TNRC6A: variants seen among roughly 807,000 people sequenced by gnomAD.
The protein encoded by TNRC6A is trinucleotide repeat-containing gene 6A protein.
Under a neutral mutation model 221.2 loss-of-function variants are expected in TNRC6A, and 44 were observed. That is an observed-to-expected ratio of 0.20 (90% CI 0.16 to 0.26). The LOEUF is 0.26. Ranked by LOEUF, TNRC6A falls within the 10% of genes least tolerant of loss-of-function variation. The pLI is 1.00. For missense variants in TNRC6A, 2,199 were observed against 2,404.4 expected (o/e 0.91, Z 1.79); for synonymous variants, 847 against 838.5 (o/e 1.01, Z -0.18).
intron 2 of TNRC6A, among the ~76,000 whole-genome samples, chr16:24,733,869 AGTG>A (rs946314921): frequency 6.6e-6 from 1 of 152,198 alleles, no homozygotes; most frequent in Non-Finnish European, 1.5e-5. Context: ...CCTGAATTGA[AGTG>A]GTGGCAAAAA....
intron 2 of TNRC6A, among the ~76,000 whole-genome samples, chr16:24,734,435 A>C (rs2056716477): frequency 1.3e-5 from 2 of 152,180 alleles, no homozygotes; most frequent in Non-Finnish European, 2.9e-5. Flanking sequence ...GACCAGTAGA[A>C]CTCAGCTGGT....
chr16:24,698,083 T>C (rs910317158), intron 2 of TNRC6A, among the ~76,000 whole-genome samples: 6 of 149,966 alleles, frequency 4.0e-5, no homozygotes, highest in Non-Finnish European at 7.4e-5. Flanking sequence ...ATCCCAGCAC[T>C]TTGAGGGGCC....
chr16:24,761,375 G>T, intron 4 of TNRC6A, among the ~76,000 whole-genome samples: 1 of 152,164 alleles, frequency 6.6e-6, no homozygotes, highest in South Asian at 2.1e-4. Flanking sequence ...GCAGGAGAGT[G>T]AAGTGCTAAA....
At chr16:24,688,115 A>G (rs1443378177) in intron 2 of TNRC6A, among the ~76,000 whole-genome samples, 1 of 136,242 alleles carries the variant, frequency 7.3e-6, no homozygotes, top group African/African-American at 2.8e-5. Context: ...TTTTTTTTGT[A>G]TTTTTAGTAG....
intron 4 of TNRC6A, among the ~76,000 whole-genome samples, chr16:24,765,697 A>G (rs1405960708): frequency 1.3e-5 from 2 of 152,212 alleles, no homozygotes; most frequent in East Asian, 1.9e-4. Context: ...TATGTAACAA[A>G]TAAGATTTGT....
At chr16:24,782,547 A>G (rs939847757) in intron 5 of TNRC6A, among the ~76,000 whole-genome samples, 7 of 152,202 alleles carry the variant, frequency 4.6e-5, no homozygotes, top group African/African-American at 1.7e-4. Flanking sequence ...ACCAAAGGCA[A>G]GAATAACCAG....
rs116967362 is a variant in TNRC6A at position 24,743,059 on chromosome 16, G to A, written c.54-7667G>A. ...TAAAAGAAGAGTAGGATTTGGGTGGGTAGATGTAGCAAACTGAGTTTTGGG... is the reference window on the plus strand; with the variant it reads ...TAAAAGAAGAGTAGGATTTGGGTGGATAGATGTAGCAAACTGAGTTTTGGG... On this transcript the variant is annotated intron_variant, in intron 2 of 24. Transcript: ENST00000395799. Among the ~76,000 whole-genome samples, 576 of 152,300 alleles carry A rather than the reference G, an allele frequency of 3.8e-3. 2 individuals are homozygous for A. Among genetic ancestry groups the A allele is most frequent in the Non-Finnish European group, 6.5e-3 (445 of 68,028 alleles).
At chr16:24,715,985 C>T (rs998489765) in intron 2 of TNRC6A, among the ~76,000 whole-genome samples, 1 of 152,048 alleles carries the variant, frequency 6.6e-6, no homozygotes, top group Non-Finnish European at 1.5e-5. Flanking sequence ...CCAAGCATGA[C>T]CATCCATAGA....
chr16:24,660,741 T>TTTC (rs1555486357), intron 2 of TNRC6A, among the ~76,000 whole-genome samples: 7 of 131,364 alleles, frequency 5.3e-5, no homozygotes, highest in African/African-American at 2.1e-4. Context: ...TTTTTTTTCT[T>TTTC]TTTTTTTTTT....
rs576776936 is a variant in TNRC6A, at chr16:24,815,716, G to A, written c.4831+411G>A. ...TAAAACTACAAAAAATTAGCCAGGC[G>A]TGGTGGCGGGCGCCTGTAGTCCCAG... On this transcript the variant is annotated intron_variant, in intron 19 of 24. Transcript: ENST00000395799. 3.5e-4 allele frequency: 68 copies of A among 193,830 alleles called. No individual in the cohort carries two copies. The South Asian group carries it at 3.5e-3, about 10-fold the overall frequency. 12.0% of individuals were successfully genotyped at this position (193,830 alleles called of 1,614,324 possible).
chr16:24,733,960 C>G (rs1175050539), intron 2 of TNRC6A, among the ~76,000 whole-genome samples: 1 of 152,026 alleles, frequency 6.6e-6, no homozygotes, highest in Non-Finnish European at 1.5e-5. Context: ...AGGATTGAGC[C>G]CAGGAGTTTG....
Position 24,790,487 on chromosome 16 carries a change from T to A in TNRC6A, c.1845T>A (p.Val615=). 2.5e-6 allele frequency: 4 copies of A among 1,614,198 alleles called. No individual in the cohort carries two copies. In the South Asian group the frequency reaches 3.3e-5, roughly 13 times the overall value. ...AQNTGTNLPS[V]EWNKLPSNQH... ...ACACTGGCACTAATTTACCCAGCGT[T>A]GAGTGGAACAAACTGCCTAGCAATC... Residue 615 remains valine (V), a synonymous_variant, in exon 6 of 25, where the codon GTT becomes GTA. Transcript: ENST00000395799.
In TNRC6A at chr16:24,791,571, G is replaced by T. The variant is rs1178565328; in HGVS notation, c.2929G>T (p.Ala977Ser). The change falls in exon 6 of 25, where the codon GCC (alanine) becomes TCC (serine). Residue 977 changes from alanine (A) to serine (S), a missense_variant. This residue lies in a region of TNRC6A where 1,405 missense variants were observed against 1,400.2 expected (regional missense o/e 1.00). Transcript: ENST00000395799. ...AGGCTGGCTGGGGGGACCTATACCA[G>T]CCCCAGCAAAAGAAGAAGAACCCAC... is the stretch of plus-strand genomic sequence containing the variant. Reference protein sequence around the residue: ...GTGWLGGPIPAPAKEEEPTGW... With the variant: ...GTGWLGGPIPSPAKEEEPTGW... The T allele has an allele frequency of 8.3e-6, 13 of 1,573,286 alleles. No homozygotes were observed. The highest frequency in any genetic ancestry group is 9.5e-6 in the Non-Finnish European group (11 of 1,163,090).
At chr16:24,792,082 C>A (rs1433560606) in intron 6 of TNRC6A, among the ~76,000 whole-genome samples, 1 of 152,186 alleles carries the variant, frequency 6.6e-6, no homozygotes. Context: ...GAATGCTGTA[C>A]ACTTCTCCAA....
intron 2 of TNRC6A, among the ~76,000 whole-genome samples, chr16:24,740,932 G>T (rs2056877785): frequency 6.6e-6 from 1 of 152,168 alleles, no homozygotes; most frequent in African/African-American, 2.4e-5. Flanking sequence ...ACTTAGCATA[G>T]TGTCCTCAAG....
chr16:24,732,492 T>C (rs957440739), intron 2 of TNRC6A, among the ~76,000 whole-genome samples: 5 of 152,150 alleles, frequency 3.3e-5, no homozygotes, highest in Non-Finnish European at 2.9e-5. Context: ...CCCTGTGAGG[T>C]AGGTAGTATT....
At chr16:24,808,964 A>G (rs375955513) in intron 17 of TNRC6A, among the ~76,000 whole-genome samples, 18 of 152,218 alleles carry the variant, frequency 1.2e-4, no homozygotes, top group African/African-American at 4.1e-4. Context: ...GCCTTAAGAT[A>G]TATCTGTCCC....
intron 1 of TNRC6A, among the ~76,000 whole-genome samples, chr16:24,627,697 CTTTTTTTTTTT>C (rs57520356): frequency 9.8e-6 from 1 of 101,784 alleles, no homozygotes; most frequent in South Asian, 3.7e-4. Context: ...TCTTTTCTTG[CTTTTTTTTTTT>C]TTTTTTTTTT....
intron 1 of TNRC6A, among the ~76,000 whole-genome samples, chr16:24,616,325 C>CAAAA (rs397855433): frequency 8.1e-5 from 6 of 73,966 alleles, no homozygotes; most frequent in Admixed American, 1.5e-4. Context: ...GATGCTGTCT[C>CAAAA]AAAAAAAAAA....
Sources: gnomAD v4.1 joint callset for allele counts (sites outside exome capture counted in the v4.1 genomes callset) on GRCh38, gnomAD v4.1.1 for gene constraint, gnomAD v4.1.1 regional missense constraint, MANE v1.5 for transcripts, NCBI Gene and HGNC (gene_info 2026-07-23, HGNC 2026-07-21) for gene names.